ZNF423: variants seen among roughly 807,000 people sequenced by gnomAD.
ZNF423 encodes the protein zinc finger protein 423.
In ZNF423, 12 loss-of-function variants were observed where a neutral mutation model predicts 95.8. The observed-to-expected ratio is 0.13, with a 90% confidence interval of 0.08 to 0.20. ZNF423 has a LOEUF of 0.20. Ranked by LOEUF, ZNF423 falls within the 10% of genes least tolerant of loss-of-function variation. ZNF423 has a pLI of 1.00. For missense variants in ZNF423, 1,316 were observed against 1,737.1 expected, an observed-to-expected ratio of 0.76 and a Z score of 4.31; for synonymous variants, 749 against 711.9, an observed-to-expected ratio of 1.05 and a Z score of -0.83.
At chr16:49,749,814 T>A (rs1216344083) in intron 2 of ZNF423, among the ~76,000 whole-genome samples, 1 of 144,542 alleles carries the variant, frequency 6.9e-6, no homozygotes, top group African/African-American at 2.5e-5. Flanking sequence ...GGGGGTGGGG[T>A]TTCTATCTTA....
chr16:49,513,724 G>T (rs1597028829), intron 7 of ZNF423, among the ~76,000 whole-genome samples: 1 of 152,118 alleles, frequency 6.6e-6, no homozygotes, highest in South Asian at 2.1e-4. Context: ...TCACGTCAGA[G>T]TGGAGAGTTT....
chr16:49,815,213 A>G (rs1038152885), intron 1 of ZNF423, among the ~76,000 whole-genome samples: 2 of 152,134 alleles, frequency 1.3e-5, no homozygotes, highest in Admixed American at 6.5e-5. Flanking sequence ...AAATTTGGCC[A>G]TTCTTATTAA....
chr16:49,557,782 G>A (rs1014542469), intron 5 of ZNF423, among the ~76,000 whole-genome samples: 3 of 152,176 alleles, frequency 2.0e-5, no homozygotes, highest in East Asian at 1.9e-4. Flanking sequence ...GGATGAGCAC[G>A]CAGGAGGCCC....
intron 5 of ZNF423, among the ~76,000 whole-genome samples, chr16:49,571,246 C>T (rs1246895130): frequency 2.0e-5 from 3 of 151,936 alleles, no homozygotes; most frequent in Non-Finnish European, 2.9e-5. Flanking sequence ...AAAAAACAAG[C>T]ATCAAATGTT....
chr16:49,500,668 C>T (rs1967358633), intron 7 of ZNF423, among the ~76,000 whole-genome samples: 1 of 151,844 alleles, frequency 6.6e-6, no homozygotes, highest in African/African-American at 2.4e-5. Flanking sequence ...GGAATCCCAG[C>T]ACTTTGGAGG....
intron 4 of ZNF423, among the ~76,000 whole-genome samples, chr16:49,633,193 T>C (rs1596750919): frequency 1.3e-5 from 2 of 152,218 alleles, no homozygotes; most frequent in East Asian, 3.8e-4. Flanking sequence ...TATGCCTCAG[T>C]TTCCTCATTT....
chr16:49,711,649 C>T (rs1370180210), intron 3 of ZNF423: 2 of 152,168 alleles, frequency 1.3e-5, no homozygotes, highest in African/African-American at 2.4e-5. Flanking sequence ...TTGAAAGATG[C>T]ACCTCAATTT....
intron 5 of ZNF423, among the ~76,000 whole-genome samples, chr16:49,569,114 C>A (rs896374377): frequency 1.3e-5 from 2 of 152,220 alleles, no homozygotes; most frequent in African/African-American, 4.8e-5. Context: ...TCTCCACAAT[C>A]TACCCTCTCC....
intron 3 of ZNF423, among the ~76,000 whole-genome samples, chr16:49,728,158 C>T (rs1324294334): frequency 1.3e-5 from 2 of 152,100 alleles, no homozygotes; most frequent in Admixed American, 1.3e-4. Context: ...AAAACCACTG[C>T]ACAATGGAAG....
chr16:49,534,804 C>T (rs1968998539), intron 5 of ZNF423, among the ~76,000 whole-genome samples: 1 of 152,164 alleles, frequency 6.6e-6, no homozygotes, highest in Admixed American at 6.5e-5. Context: ...TGTCAGCTTT[C>T]TTCATCTCCC....
chr16:49,819,226 G>C (rs1456288898), intron 1 of ZNF423, among the ~76,000 whole-genome samples: 2 of 137,558 alleles, frequency 1.5e-5, no homozygotes, highest in African/African-American at 5.4e-5. Context: ...CTCCAGCCTG[G>C]GTGACAGAGT....
chr16:49,576,253 C>T (rs11864769), intron 5 of ZNF423, among the ~76,000 whole-genome samples: 19,451 of 152,230 alleles, frequency 0.13, 1,347 homozygotes, highest in East Asian at 0.14. Flanking sequence ...GGAACAGCAA[C>T]CGTGGCTGTG....
chr16:49,641,342 C>G (rs113861601), intron 3 of ZNF423, among the ~76,000 whole-genome samples: 1 of 152,146 alleles, frequency 6.6e-6, no homozygotes, highest in Non-Finnish European at 1.5e-5. Context: ...GAGAGGCCCA[C>G]GTGTAAAGCC....
At chr16:49,567,932 G>A (rs371933321) in intron 5 of ZNF423, among the ~76,000 whole-genome samples, 6 of 152,118 alleles carry the variant, frequency 3.9e-5, no homozygotes, top group African/African-American at 1.2e-4. Context: ...TTTTATTCCC[G>A]CCAGCATCCA....
intron 1 of ZNF423, among the ~76,000 whole-genome samples, chr16:49,812,278 G>A (rs1179114943): frequency 6.6e-6 from 1 of 152,230 alleles, no homozygotes; most frequent in Non-Finnish European, 1.5e-5. Flanking sequence ...GGGCTAGAGG[G>A]TCCTGGCTCT....
chr16:49,803,659 A>G (rs1328102526), intron 1 of ZNF423, among the ~76,000 whole-genome samples: 2 of 152,152 alleles, frequency 1.3e-5, no homozygotes, highest in Non-Finnish European at 2.9e-5. Context: ...CACAGTGACA[A>G]GTGTTACCCA....
At chr16:49,596,430 G>A (rs996824830) in intron 5 of ZNF423, among the ~76,000 whole-genome samples, 2 of 152,104 alleles carry the variant, frequency 1.3e-5, no homozygotes, top group African/African-American at 4.8e-5. Flanking sequence ...ATTTCCTCTC[G>A]AAGGCCTCAG....
rs192342193 is a variant in ZNF423, at chr16:49,778,013, C to A, written c.100+11474G>T. 5.3e-5 allele frequency among the ~76,000 whole-genome samples: 8 copies of A among 152,328 alleles called. No homozygotes were observed. The East Asian group carries it at 1.5e-3, about 29-fold the overall frequency. On this transcript the variant is annotated intron_variant, in intron 2 of 7. Transcript: ENST00000563137. The stretch of plus-strand genomic sequence containing the variant: ...GTAGAATAGCATAAGTAAAATATAT[C>A]ATATTTGCCAGACTAAGCATGAGTC...
At chr16:49,852,702 G>C (rs1213947534) in intron 1 of ZNF423, among the ~76,000 whole-genome samples, 2 of 151,916 alleles carry the variant, frequency 1.3e-5, no homozygotes, top group African/African-American at 4.8e-5. Flanking sequence ...CCCGGCTTTA[G>C]GGTTGTTTTT....
Sources: gnomAD v4.1 joint callset for allele counts (sites outside exome capture counted in the v4.1 genomes callset) on GRCh38, gnomAD v4.1.1 for gene constraint, MANE v1.5 for transcripts, NCBI Gene and HGNC (gene_info 2026-07-23, HGNC 2026-07-21) for gene names.